The following RBFOX1 variants were observed in gnomAD, a reference collection of about 807,000 sequenced individuals.
RBFOX1 encodes RNA binding protein fox-1 homolog 1.
Under a neutral mutation model 57.7 loss-of-function variants are expected in RBFOX1, and 8 were observed. The ratio of observed to expected loss-of-function variants is 0.14; its 90% CI spans 0.08 to 0.25. The LOEUF is 0.25. RBFOX1 is among the 10% of genes least tolerant of loss of function. The probability of loss-of-function intolerance (pLI) is 1.00; values close to 1 mark genes in which losing one functional copy is unlikely to be tolerated. For synonymous variants in RBFOX1, 326 were observed against 222.4 expected, an observed-to-expected ratio of 1.47 and a Z score of -4.15; for missense variants, 611 against 548.5, an observed-to-expected ratio of 1.11 and a Z score of -1.14.
At chr16:6,413,225 A>G (rs1044605356) in intron 2 of RBFOX1, among the ~76,000 whole-genome samples, 5 of 151,652 alleles carry the variant, frequency 3.3e-5, no homozygotes, top group South Asian at 2.1e-4. Flanking sequence ...CGGCTGAGGC[A>G]TGAAGATCAC....
At chr16:7,425,448 T>G (rs2098601182) in intron 4 of RBFOX1, among the ~76,000 whole-genome samples, 1 of 152,196 alleles carries the variant, frequency 6.6e-6, no homozygotes, top group Non-Finnish European at 1.5e-5. Context: ...CTTGAGAAAT[T>G]TCAAAGGATG....
chr16:7,510,355 G>T, intron 4 of RBFOX1: 1 of 983,942 alleles, frequency 1.0e-6, no homozygotes, highest in Non-Finnish European at 1.2e-6. Context: ...ACTCAAAATT[G>T]CGATTTGAAT....
intron 2 of RBFOX1, among the ~76,000 whole-genome samples, chr16:5,476,909 A>C (rs1597223105): frequency 6.6e-6 from 1 of 152,064 alleles, no homozygotes; most frequent in African/African-American, 2.4e-5. Flanking sequence ...AAAAATGTCT[A>C]CCTCTCCATC....
chr16:7,177,246 G>A (rs1025676609), intron 4 of RBFOX1, among the ~76,000 whole-genome samples: 18 of 152,132 alleles, frequency 1.2e-4, no homozygotes, highest in Admixed American at 9.8e-4. Context: ...TCCTTATCTA[G>A]CTTGATTGTC....
chr16:6,329,224 A>T (rs1031591070), intron 2 of RBFOX1, among the ~76,000 whole-genome samples: 1 of 152,208 alleles, frequency 6.6e-6, no homozygotes, highest in Non-Finnish European at 1.5e-5. Flanking sequence ...AACAGCTAAC[A>T]TGGTGGAAGT....
intron 1 of RBFOX1, among the ~76,000 whole-genome samples, chr16:5,437,777 T>C (rs1338801764): frequency 6.6e-6 from 1 of 152,202 alleles, no homozygotes; most frequent in Non-Finnish European, 1.5e-5. Context: ...ATTCCGTTAT[T>C]TCTTATACTC....
chr16:5,928,411 GAA>G (rs374169902), intron 4 of RBFOX1, among the ~76,000 whole-genome samples: 9 of 132,772 alleles, frequency 6.8e-5, no homozygotes, highest in African/African-American at 5.5e-5. Context: ...TTCTCGCCAT[GAA>G]AAAAAAAAAA....
chr16:5,970,309 A>T (rs566197122), intron 4 of RBFOX1, among the ~76,000 whole-genome samples: 1 of 152,106 alleles, frequency 6.6e-6, no homozygotes, highest in Non-Finnish European at 1.5e-5. Flanking sequence ...TGGAAGAATT[A>T]GAGACTATAT....
chr16:6,220,994 A>G (rs903639574), intron 1 of RBFOX1, among the ~76,000 whole-genome samples: 4 of 152,014 alleles, frequency 2.6e-5, no homozygotes, highest in African/African-American at 7.2e-5. Flanking sequence ...GTGTGTAGCT[A>G]TATAACATTT....
At chr16:6,443,868 A>G (rs1357897735) in intron 2 of RBFOX1, among the ~76,000 whole-genome samples, 1 of 151,810 alleles carries the variant, frequency 6.6e-6, no homozygotes, top group African/African-American at 2.4e-5. Context: ...CCATCCATCC[A>G]TCCCTCCATC....
At chr16:6,316,483 C>T (rs1310006708) in intron 1 of RBFOX1, among the ~76,000 whole-genome samples, 1 of 152,176 alleles carries the variant, frequency 6.6e-6, no homozygotes, top group Non-Finnish European at 1.5e-5. Context: ...CCTGAATGCA[C>T]ATTGTAGAAT....
chr16:6,858,559 G>T (rs957261004), intron 3 of RBFOX1, among the ~76,000 whole-genome samples: 1 of 152,122 alleles, frequency 6.6e-6, no homozygotes, highest in African/African-American at 2.4e-5. Context: ...TACGGTTACA[G>T]CTCAATTAAA....
At chr16:6,626,614 G>C (rs1277759996) in intron 2 of RBFOX1, among the ~76,000 whole-genome samples, 1 of 152,024 alleles carries the variant, frequency 6.6e-6, no homozygotes, top group Middle Eastern at 3.2e-3. Flanking sequence ...ACAGAAATTA[G>C]CTAGGTATGG....
intron 4 of RBFOX1, among the ~76,000 whole-genome samples, chr16:7,173,597 C>G (rs1019651942): frequency 6.6e-6 from 1 of 152,050 alleles, no homozygotes; most frequent in South Asian, 2.1e-4. Context: ...TTTTACACTT[C>G]AACTGCAATA....
intron 3 of RBFOX1, among the ~76,000 whole-genome samples, chr16:6,992,559 G>C (rs766829712): frequency 1.5e-4 from 23 of 152,064 alleles, no homozygotes; most frequent in Admixed American, 3.3e-4. Context: ...AGGTCAGCTT[G>C]GGTTCCTCAG....
chr16:7,023,337 G>A (rs937341619), intron 3 of RBFOX1, among the ~76,000 whole-genome samples: 4 of 151,674 alleles, frequency 2.6e-5, no homozygotes, highest in African/African-American at 4.8e-5. Flanking sequence ...GTGCATGCCT[G>A]TAATCCCAGC....
chr16:6,992,839 A>AAAG (rs1367115924), intron 3 of RBFOX1, among the ~76,000 whole-genome samples: 7 of 149,446 alleles, frequency 4.7e-5, no homozygotes. Flanking sequence ...TCCTTTTCCA[A>AAAG]AAAAAAAAAA....
intron 2 of RBFOX1, among the ~76,000 whole-genome samples, chr16:6,619,371 A>G (rs1323382577): frequency 1.3e-5 from 2 of 152,190 alleles, no homozygotes; most frequent in South Asian, 2.1e-4. Flanking sequence ...ATAGCCATCT[A>G]TGCCAAGCCC....
chr16:6,312,597 G>T (rs1375282048), intron 1 of RBFOX1, among the ~76,000 whole-genome samples: 1 of 152,058 alleles, frequency 6.6e-6, no homozygotes, highest in Non-Finnish European at 1.5e-5. Context: ...ATGACTTTTG[G>T]GGAGGCTGAG....
Sources: allele counts gnomAD v4.1 joint callset (sites outside exome capture counted in the v4.1 genomes callset), GRCh38; gene constraint gnomAD v4.1.1; transcripts MANE v1.5; gene names NCBI Gene and HGNC (gene_info 2026-07-23, HGNC 2026-07-21).